PMS1: variants seen among roughly 807,000 people sequenced by gnomAD.
The protein encoded by PMS1 is PMS1 homolog 1, mismatch repair system component, also known as PMS1 protein homolog 1.
PMS1 carries 79 observed loss-of-function variants against 93.1 expected under a neutral mutation model. That is an observed-to-expected ratio of 0.85 (90% confidence interval 0.71 to 1.02). PMS1 has a LOEUF of 1.02. PMS1 is among the 50% of genes least tolerant of loss of function. The probability of loss-of-function intolerance (pLI) is 0.00; values close to 1 mark genes in which losing one functional copy is unlikely to be tolerated. For missense variants in PMS1, 1,064 were observed against 1,085.3 expected (o/e 0.98, Z 0.28); for synonymous variants, 335 against 363.4 (o/e 0.92, Z 0.89).
At chr2:189,844,523 A>T (rs1004988625) in intron 6 of PMS1, among the ~76,000 whole-genome samples, 11 of 151,780 alleles carry the variant, frequency 7.2e-5, no homozygotes, top group Non-Finnish European at 1.5e-4. Context: ...ACATGCCTGT[A>T]ATCCCAGCTA....
chr2:189,852,671 T>G lies in PMS1; in HGVS notation c.716T>G (p.Phe239Cys). 1 of 1,606,178 alleles carries G rather than the reference T, an allele frequency of 6.2e-7. No individual in the cohort carries two copies. The highest frequency in any genetic ancestry group is 8.5e-7 in the Non-Finnish European group (1 of 1,172,938). ...ATTATATAGATTTATCTCAGTGGATTTCTTCCAAAGTGTGATGCAGACCAC... is the reference window on the plus strand; with the variant it reads ...ATTATATAGATTTATCTCAGTGGATGTCTTCCAAAGTGTGATGCAGACCAC... ...SEESQIYLSG[F>C]LPKCDADHSF... Residue 239 changes from phenylalanine to cysteine, a missense_variant, in exon 7 of 13, where the codon TTT (phenylalanine) becomes TGT (cysteine). Coordinates refer to ENST00000441310, the MANE Select transcript of PMS1 (RefSeq NM_000534.5).
chr2:189,868,034 T>A (rs2106531033), intron 11 of PMS1, 105 bp downstream of exon 11: 1 of 960,748 alleles, frequency 1.0e-6, no homozygotes, highest in South Asian at 1.3e-5. Flanking sequence ...TATTTTTGTC[T>A]CACTATAAGT....
chr2:189,846,568 A>C (rs939344602), intron 6 of PMS1, among the ~76,000 whole-genome samples: 3 of 151,718 alleles, frequency 2.0e-5, no homozygotes, highest in African/African-American at 7.3e-5. Context: ...AGTCCCAGCT[A>C]CTTGGGAGGC....
chr2:189,839,914 A>T (rs2053683455), intron 5 of PMS1, among the ~76,000 whole-genome samples: 1 of 152,140 alleles, frequency 6.6e-6, no homozygotes, highest in Non-Finnish European at 1.5e-5. Flanking sequence ...AAATTAAGGG[A>T]TTAAAATATG....
chr2:189,787,861 A>G (rs1018680833), intron 1 of PMS1, among the ~76,000 whole-genome samples: 1 of 152,216 alleles, frequency 6.6e-6, no homozygotes, highest in Non-Finnish European at 1.5e-5. Context: ...AGAGACACAA[A>G]TATTCAGACT....
At chr2:189,821,187 T>C (rs1239454816) in intron 5 of PMS1, among the ~76,000 whole-genome samples, 1 of 152,216 alleles carries the variant, frequency 6.6e-6, no homozygotes, top group Non-Finnish European at 1.5e-5. Flanking sequence ...CTGGGCGCAG[T>C]GGCTCACACC....
intron 10 of PMS1, among the ~76,000 whole-genome samples, chr2:189,865,671 A>G (rs1265858873): frequency 2.0e-5 from 3 of 152,186 alleles, no homozygotes; most frequent in Non-Finnish European, 4.4e-5. Context: ...ATAACCTTGG[A>G]TGACAAAGCC....
intron 5 of PMS1, among the ~76,000 whole-genome samples, chr2:189,827,912 GGTTTT>G (rs2052577070): frequency 1.4e-5 from 2 of 145,038 alleles, no homozygotes; most frequent in Admixed American, 1.3e-4. Context: ...GGAAAAATAA[GGTTTT>G]GTTTGTTTGT....
chr2:189,827,710 G>A (rs547626069), intron 5 of PMS1, among the ~76,000 whole-genome samples: 175 of 152,020 alleles, frequency 1.2e-3, no homozygotes, highest in African/African-American at 3.9e-3. Context: ...GGATGATCTC[G>A]GAGGACATTA....
At position 189,791,906 on chromosome 2, in the gene PMS1, T is replaced by C. The variant is rs1385709157; in HGVS notation, c.97T>C (p.Leu33=). The C allele has an allele frequency of 4.3e-6, 7 of 1,614,062 alleles. No individual in the cohort carries two copies. In the South Asian group the frequency reaches 4.4e-5, roughly 10 times the overall value. The part of the protein sequence containing the change: ...SVVKELIENS[L]DAGATSVDVK... ...TGTAAAAGAGCTTATTGAAAACTCC[T>C]TGGATGCTGGTGCCACAAGCGTAGA... The change falls in exon 2 of 13, where the codon TTG becomes CTG. Residue 33 remains leucine, a synonymous_variant. Coordinates refer to ENST00000441310, the MANE Select transcript of PMS1 (RefSeq NM_000534.5).
Position 189,791,793 on chromosome 2 carries a change from C to T in PMS1, c.-17C>T. The stretch of plus-strand genomic sequence containing the variant: ...AAGTTGCATTTTTATCTTCTAGCTG[C>T]TCTGTTAAAAGCGAAAATGAAACAA... On this transcript the variant is annotated 5_prime_UTR_variant, in exon 2 of 13. Coordinates refer to ENST00000441310, the MANE Select transcript of PMS1 (RefSeq NM_000534.5). 6.2e-7 allele frequency: 1 copy of T among 1,612,640 alleles called. No individual in the cohort carries two copies. The highest frequency in any genetic ancestry group is 1.3e-5 in the African/African-American group (1 of 75,024).
rs554229090 is a variant in PMS1, at chr2:189,834,045, G to A, written c.583-9919G>A. 2.0e-5 allele frequency among the ~76,000 whole-genome samples: 3 copies of A among 152,210 alleles called. No individual in the cohort carries two copies. In the East Asian group the frequency reaches 5.8e-4, roughly 29 times the overall value. On this transcript the variant is annotated intron_variant, in intron 5 of 12. Transcript: ENST00000441310. ...TTCAATTTCTTTGTCTCTTTAAAAT[G>A]GAATAATAGTACCTACCTTACAGAG...
At chr2:189,866,888 C>A (rs564924008) in intron 10 of PMS1, among the ~76,000 whole-genome samples, 30 of 152,242 alleles carry the variant, frequency 2.0e-4, no homozygotes, top group Admixed American at 1.4e-3. Flanking sequence ...ATAATCATCA[C>A]CACCACCACC....
Position 189,828,515 on chromosome 2 carries a change from T to C in PMS1, c.582+10335T>C, listed in dbSNP as rs1006183231. On this transcript the variant is annotated intron_variant, in intron 5 of 12. Transcript: ENST00000441310. Reference sequence around the variant, plus strand: ...CAGAGTTCACTGGTAAATACTTCACTGTAATAAAGCATCTCTCACAATGTA... The same window carrying C: ...CAGAGTTCACTGGTAAATACTTCACCGTAATAAAGCATCTCTCACAATGTA... Among the ~76,000 whole-genome samples the C allele has an allele frequency of 2.6e-5, 4 of 152,238 alleles. No homozygotes were observed. The East Asian group carries it at 7.7e-4, about 29-fold the overall frequency.
In PMS1 at chr2:189,852,649, A is replaced by T; in HGVS notation, c.700-6A>T. ...TGACATTGCATATTCTGTAATTATT[A>T]TATAGATTTATCTCAGTGGATTTCT... On this transcript the variant is annotated splice_polypyrimidine_tract_variant and splice_region_variant and intron_variant, in intron 6 of 12. Transcript: ENST00000441310. 6.2e-7 allele frequency: 1 copy of T among 1,604,414 alleles called. No individual in the cohort carries two copies.
chr2:189,803,639 C>T (rs867271929), intron 3 of PMS1, among the ~76,000 whole-genome samples: 4 of 151,076 alleles, frequency 2.6e-5, no homozygotes, highest in South Asian at 2.1e-4. Context: ...AACCTGTGCC[C>T]GGTCCAAAAA....
At chr2:189,831,844 T>C (rs2106373486) in intron 5 of PMS1, among the ~76,000 whole-genome samples, 1 of 152,146 alleles carries the variant, frequency 6.6e-6, no homozygotes, top group South Asian at 2.1e-4. Context: ...TGCAGTGGCA[T>C]GATCTCAACT....
chr2:189,814,742 CAT>C (rs1026993140), intron 4 of PMS1, among the ~76,000 whole-genome samples: 14 of 152,070 alleles, frequency 9.2e-5, no homozygotes, highest in Non-Finnish European at 1.5e-4. Flanking sequence ...AGAAAGAAAA[CAT>C]AGTTCCACTG....
intron 5 of PMS1, among the ~76,000 whole-genome samples, chr2:189,821,954 A>T (rs2051937642): frequency 6.6e-6 from 1 of 152,178 alleles, no homozygotes; most frequent in Admixed American, 6.5e-5. Context: ...GGTTTATATC[A>T]TTTTCCCAAC....
Sources: gnomAD v4.1 joint callset for allele counts (sites outside exome capture counted in the v4.1 genomes callset) on GRCh38, gnomAD v4.1.1 for gene constraint, MANE v1.5 for transcripts, NCBI Gene and HGNC (gene_info 2026-07-23, HGNC 2026-07-21) for gene names.